ATP2C2: variants seen among roughly 807,000 people sequenced by gnomAD.
ATP2C2 encodes calcium-transporting ATPase type 2C member 2.
In ATP2C2, 171 loss-of-function variants were observed where a neutral mutation model predicts 110.8. The observed-to-expected ratio is 1.54, with a 90% CI of 1.36 to 1.75. The LOEUF (loss-of-function observed/expected upper bound fraction) is 1.75, where lower values mean the gene tolerates loss of function less well. Ranked by LOEUF, ATP2C2 falls within the 40% of genes most tolerant of loss-of-function variation. The pLI is 0.00. For missense variants in ATP2C2, 1,963 were observed against 1,235.0 expected, an observed-to-expected ratio of 1.59 and a Z score of -8.84; for synonymous variants, 804 against 508.4, an observed-to-expected ratio of 1.58 and a Z score of -7.82.
At chr16:84,401,885 A>G (rs1305292396) in intron 2 of ATP2C2, among the ~76,000 whole-genome samples, 1 of 152,034 alleles carries the variant, frequency 6.6e-6, no homozygotes, top group Non-Finnish European at 1.5e-5. Flanking sequence ...TGTTATTTTA[A>G]TAGGGATTCG....
At chr16:84,395,327 C>T (rs1904905320) in intron 1 of ATP2C2, among the ~76,000 whole-genome samples, 1 of 152,070 alleles carries the variant, frequency 6.6e-6, no homozygotes, top group Non-Finnish European at 1.5e-5. Flanking sequence ...CCATGACTTC[C>T]TCAATCCACC....
chr16:84,423,329 G>T, intron 10 of ATP2C2, 66 bp downstream of exon 10: 3 of 1,463,464 alleles, frequency 2.0e-6, no homozygotes, highest in Non-Finnish European at 2.9e-6. Flanking sequence ...TAGGGGGGTT[G>T]CCATGGCCGT....
At chr16:84,438,956 T>C (rs980367607) in intron 11 of ATP2C2, 8 of 572,912 alleles carry the variant, frequency 1.4e-5, no homozygotes, top group Non-Finnish European at 2.4e-5. Flanking sequence ...AGAGGTCCCT[T>C]CCCAAGAGCG....
intron 1 of ATP2C2, among the ~76,000 whole-genome samples, chr16:84,394,907 G>A (rs1904879356): frequency 6.6e-6 from 1 of 152,086 alleles, no homozygotes; most frequent in African/African-American, 2.4e-5. Context: ...TCACATTCTG[G>A]TGTACCAGGT....
In ATP2C2 at chr16:84,396,705, C is replaced by T. The variant is rs988867324; in HGVS notation, c.100-1794C>T. On this transcript the variant is annotated intron_variant, in intron 1 of 26. Coordinates refer to ENST00000262429, the MANE Select transcript of ATP2C2 (RefSeq NM_014861.4). Reference sequence around the variant, plus strand: ...CAAGAATCAAGCACTTTATTTGGTACGACGGGAGCAGATCTTGAGAATGGG... The same window carrying T: ...CAAGAATCAAGCACTTTATTTGGTATGACGGGAGCAGATCTTGAGAATGGG... Among the ~76,000 whole-genome samples, 13 of 151,786 alleles carry T rather than the reference C, an allele frequency of 8.6e-5. No homozygotes were observed. In the East Asian group the frequency reaches 2.1e-3, roughly 25 times the overall value.
rs186839647 is a variant in ATP2C2, at chr16:84,459,381, G to C, written c.2328G>C (p.Ala776=). 1.2e-6 allele frequency: 2 copies of C among 1,613,888 alleles called. No homozygotes were observed. The highest frequency in any genetic ancestry group is 1.7e-5 in the Admixed American group (1 of 60,034). The change falls in exon 23 of 27, where the codon GCG becomes GCC. Residue 776 remains alanine (A), a synonymous_variant. Coordinates refer to ENST00000262429, the MANE Select transcript of ATP2C2 (RefSeq NM_014861.4). ...WINIIMDGPP[A]QSLGVEPVDK... The stretch of plus-strand genomic sequence containing the variant: ...ACATCATCATGGATGGGCCACCGGC[G>C]CAGAGGTGAGGCAGGGCCGGCTGGG...
rs947548308 is a variant in ATP2C2 at position 84,459,989 on chromosome 16, A to G, written c.2333+603A>G. The G allele has an allele frequency of 2.4e-5, 6 of 246,806 alleles. No individual in the cohort carries two copies. In the East Asian group the frequency reaches 3.8e-4, roughly 16 times the overall value. 15.3% of individuals were successfully genotyped at this position (246,806 alleles called of 1,614,324 possible). A position where few individuals can be genotyped will look rare whatever the true frequency, so the allele number is the denominator to read the frequency against. On this transcript the variant is annotated intron_variant, in intron 23 of 26. Coordinates refer to ENST00000262429, the MANE Select transcript of ATP2C2 (RefSeq NM_014861.4). ...AATGCGCTTTGGAGTCAGGGGACCCATCTGGCCACGTGTGCGTAACCGTAT... is the reference window on the plus strand; with the variant it reads ...AATGCGCTTTGGAGTCAGGGGACCCGTCTGGCCACGTGTGCGTAACCGTAT...
At chr16:84,418,892 G>A (rs74250115) in intron 7 of ATP2C2, among the ~76,000 whole-genome samples, 16 of 152,074 alleles carry the variant, frequency 1.1e-4, no homozygotes, top group Admixed American at 3.3e-4. Context: ...AATTGAAATC[G>A]TTTTCACTGG....
intron 1 of ATP2C2, among the ~76,000 whole-genome samples, chr16:84,370,942 C>T (rs1292920992): frequency 1.3e-5 from 2 of 152,310 alleles, no homozygotes; most frequent in East Asian, 1.9e-4. Flanking sequence ...GGATGTGAGG[C>T]TCCTAGTGGG....
chr16:84,447,026 G>T (rs1253400639), intron 16 of ATP2C2, among the ~76,000 whole-genome samples: 1 of 152,140 alleles, frequency 6.6e-6, no homozygotes, highest in Non-Finnish European at 1.5e-5. Flanking sequence ...GGCCACCCCG[G>T]GTGGACATTA....
rs191894251 is a variant in ATP2C2, at chr16:84,430,565, G to A, written c.986+4764G>A. On this transcript the variant is annotated intron_variant, in intron 11 of 26. Transcript: ENST00000262429. ...AGAGGCAAGAGAATTGCTTGAACCC[G>A]GGAGGCAGAGGTTGTAGTGAGCTGA... Among the ~76,000 whole-genome samples the A allele has an allele frequency of 8.6e-4, 130 of 151,582 alleles. 1 individual carries two copies. The highest frequency in any genetic ancestry group is 7.3e-3 in the Admixed American group (111 of 15,176).
At chr16:84,401,549 G>A (rs1308921341) in intron 2 of ATP2C2, among the ~76,000 whole-genome samples, 1 of 152,084 alleles carries the variant, frequency 6.6e-6, no homozygotes, top group African/African-American at 2.4e-5. Context: ...CCTGCATATG[G>A]AGATTTTGTT....
rs1180847611 is a variant in ATP2C2 at position 84,405,206 on chromosome 16, G to A, written c.289G>A (p.Asp97Asn). 6.2e-7 allele frequency: 1 copy of A among 1,614,124 alleles called. No individual in the cohort carries two copies. ...LAHGWNEFVA[D>N]NSEPVWKKYL... ...CCATGGCTGGAATGAGTTTGTTGCT[G>A]ACAACAGCGAACCTGTGTGGAAGAA... The change falls in exon 3 of 27, where the codon GAC becomes AAC. Residue 97 changes from aspartate to asparagine, a missense_variant. Physicochemically the swap from Asp to Asn is conservative, Grantham distance 23. Coordinates refer to ENST00000262429, the MANE Select transcript of ATP2C2 (RefSeq NM_014861.4).
At chr16:84,434,078 G>A (rs530847018) in intron 11 of ATP2C2, among the ~76,000 whole-genome samples, 1 of 152,286 alleles carries the variant, frequency 6.6e-6, no homozygotes, top group African/African-American at 2.4e-5. Context: ...TCCAAAATAA[G>A]TAAAATGAGA....
intron 2 of ATP2C2, among the ~76,000 whole-genome samples, chr16:84,402,266 A>G (rs1905374721): frequency 6.6e-6 from 1 of 152,202 alleles, no homozygotes; most frequent in Non-Finnish European, 1.5e-5. Context: ...TCATCTGCAA[A>G]CAAGAATAAT....
In ATP2C2 at chr16:84,463,565, A is replaced by G. The variant is rs1381751531; in HGVS notation, c.2723-49A>G. 3 of 1,533,790 alleles carry G rather than the reference A, an allele frequency of 2.0e-6. No individual in the cohort carries two copies. In the African/African-American group the frequency reaches 4.1e-5, roughly 21 times the overall value. Reference sequence around the variant, plus strand: ...CAGGGAAGGCGCTTCCTGCCGGCGCAACAGAGCTGCAGCCCGTCCTGAATC... The same window carrying G: ...CAGGGAAGGCGCTTCCTGCCGGCGCGACAGAGCTGCAGCCCGTCCTGAATC... On this transcript the variant is annotated intron_variant, in intron 26 of 26. Coordinates refer to ENST00000262429, the MANE Select transcript of ATP2C2 (RefSeq NM_014861.4).
intron 21 of ATP2C2, 34 bp from the exon 22 acceptor site, chr16:84,459,086 C>G (rs367687195): frequency 1.2e-6 from 2 of 1,610,998 alleles, no homozygotes; most frequent in Non-Finnish European, 1.7e-6. Context: ...CACGCAGGCC[C>G]GCTCCGTGAG....
At chr16:84,399,654 G>A (rs1222140596) in intron 2 of ATP2C2, among the ~76,000 whole-genome samples, 1 of 151,912 alleles carries the variant, frequency 6.6e-6, no homozygotes, top group Non-Finnish European at 1.5e-5. Flanking sequence ...TACATAGTAG[G>A]TGCATATTTA....
chr16:84,370,597 T>C (rs1168987777), intron 1 of ATP2C2, among the ~76,000 whole-genome samples: 1 of 152,036 alleles, frequency 6.6e-6, no homozygotes, highest in African/African-American at 2.4e-5. Flanking sequence ...TGTCCTCTCG[T>C]TGGAACTCCT....
Sources: allele counts gnomAD v4.1 joint callset (sites outside exome capture counted in the v4.1 genomes callset), GRCh38; gene constraint gnomAD v4.1.1; transcripts MANE v1.5; gene names NCBI Gene and HGNC (gene_info 2026-07-23, HGNC 2026-07-21).